STK32C: variants seen among roughly 807,000 people sequenced by gnomAD.
STK32C encodes serine/threonine kinase 32C.
Under a neutral mutation model 56.5 loss-of-function variants are expected in STK32C, and 31 were observed. The ratio of observed to expected loss-of-function variants is 0.55; its 90% CI spans 0.41 to 0.74. The LOEUF is 0.74. Among genes scored for constraint, STK32C ranks in the 30% least tolerant of loss-of-function variants. STK32C has a pLI of 0.00. For missense variants in STK32C, 544 were observed against 676.9 expected (o/e 0.80, Z 2.18); for synonymous variants, 309 against 289.4 (o/e 1.07, Z -0.69).
In STK32C at chr10:132,225,236, T is replaced by C; in HGVS notation, c.873A>G (p.Gly291=). 6.2e-7 allele frequency: 1 copy of C among 1,607,976 alleles called. No individual in the cohort carries two copies. The highest frequency in any genetic ancestry group is 8.5e-7 in the Non-Finnish European group (1 of 1,177,172). The part of the protein sequence containing the change: ...VGVMAYELLR[G]WRPYDIHSSN... ...AGGGGCTGCAGGGGGTCCATACCCA[T>C]CCTCGCAGCAGCTCATAGGCCATCA... Residue 291 remains glycine, a synonymous_variant, in exon 7 of 12, where the codon GGA becomes GGG. Transcript: ENST00000298630.
At position 132,307,890 on chromosome 10, in the gene STK32C, C is replaced by A; in HGVS notation, c.-57G>T. ...CTCGGGGCATGGCCGGCCGGCAGGGCCGGGAGCGGCAGTGGTAGCGGGAGC... is the reference window on the plus strand; with the variant it reads ...CTCGGGGCATGGCCGGCCGGCAGGGACGGGAGCGGCAGTGGTAGCGGGAGC... On this transcript the variant is annotated 5_prime_UTR_variant, in exon 1 of 12. Transcript: ENST00000298630. The surrounding 1 kb of genome is among the most constrained non-coding windows in gnomAD (Gnocchi z 4.4). 8.8e-7 allele frequency: 1 copy of A among 1,134,198 alleles called. No homozygotes were observed. The allele number at this position is 1,134,198 out of a possible 1,614,324, so 70.3% of individuals were successfully genotyped here. A position where few individuals can be genotyped will look rare whatever the true frequency, so the allele number is the denominator to read the frequency against.
downstream of STK32C, among the ~76,000 whole-genome samples, chr10:132,322,649 T>C (rs2066431694): frequency 6.6e-6 from 1 of 152,104 alleles, no homozygotes; most frequent in Non-Finnish European, 1.5e-5. Flanking sequence ...GGAAGTAAAA[T>C]GTTGCCAGCA....
chr10:132,331,839 G>A (rs763076808), upstream of STK32C: 5 of 1,497,304 alleles, frequency 3.3e-6, no homozygotes, highest in East Asian at 2.3e-5. Flanking sequence ...CGCGGGCGCG[G>A]AAAAACGGAT....
intron 1 of STK32C, among the ~76,000 whole-genome samples, chr10:132,268,039 ATGCC>A (rs2064640344): frequency 8.4e-6 from 1 of 118,980 alleles, no homozygotes; most frequent in African/African-American, 3.3e-5. Flanking sequence ...GTTCGGCTCT[ATGCC>A]TGTCTGTGTG....
chr10:132,269,492 C>G (rs548602203), intron 1 of STK32C, among the ~76,000 whole-genome samples: 1 of 152,338 alleles, frequency 6.6e-6, no homozygotes, highest in Admixed American at 6.5e-5. Context: ...TGTGTGGCAG[C>G]AAGCTGCAGC....
intron 1 of STK32C, among the ~76,000 whole-genome samples, chr10:132,281,928 G>C (rs1564774343): frequency 6.6e-6 from 1 of 152,162 alleles, no homozygotes; most frequent in Non-Finnish European, 1.5e-5. Context: ...CCTCAGACGG[G>C]AGCCTGTTCA....
intron 1 of STK32C, among the ~76,000 whole-genome samples, chr10:132,254,942 C>A (rs920911503): frequency 6.6e-6 from 1 of 152,066 alleles, no homozygotes; most frequent in Non-Finnish European, 1.5e-5. Context: ...CAGCTGCAGG[C>A]GTGTCCCAGG....
intron 1 of STK32C, among the ~76,000 whole-genome samples, chr10:132,267,487 G>C (rs2064587292): frequency 6.6e-6 from 1 of 151,576 alleles, no homozygotes; most frequent in African/African-American, 2.4e-5. Flanking sequence ...ATGCCTGTCT[G>C]TGTGCATGCA....
chr10:132,275,662 C>T (rs978811729), intron 1 of STK32C, among the ~76,000 whole-genome samples: 1 of 152,234 alleles, frequency 6.6e-6, no homozygotes, highest in African/African-American at 2.4e-5. Context: ...CACCCACCGT[C>T]ACTGACGCAT....
downstream of STK32C, among the ~76,000 whole-genome samples, chr10:132,322,317 G>A (rs2066425738): frequency 6.6e-6 from 1 of 152,090 alleles, no homozygotes; most frequent in African/African-American, 2.4e-5. Context: ...TCGGATTATA[G>A]TCTGGATACT....
intron 10 of STK32C, among the ~76,000 whole-genome samples, chr10:132,210,113 A>G (rs886907333): frequency 6.6e-6 from 1 of 152,174 alleles, no homozygotes; most frequent in African/African-American, 2.4e-5. Context: ...TTGGCCAGTG[A>G]CGGAAGCATC....
At chr10:132,242,860 C>T (rs911823401) in intron 2 of STK32C, among the ~76,000 whole-genome samples, 2 of 152,260 alleles carry the variant, frequency 1.3e-5, no homozygotes, top group African/African-American at 4.8e-5. Flanking sequence ...GGCGGCTCCT[C>T]CATGGCACGT....
At chr10:132,306,941 T>G (rs2066089755) in intron 1 of STK32C, 1 of 152,260 alleles carries the variant, frequency 6.6e-6, no homozygotes, top group Non-Finnish European at 1.5e-5. Context: ...CTGCTTTCTA[T>G]GGCGCCCACG....
At chr10:132,275,909 G>C (rs993172582) in intron 1 of STK32C, among the ~76,000 whole-genome samples, 1 of 152,086 alleles carries the variant, frequency 6.6e-6, no homozygotes, top group Non-Finnish European at 1.5e-5. Flanking sequence ...GACTGTACAG[G>C]AAAACCCCCT....
chr10:132,227,101 G>C, intron 3 of STK32C, 133 bp from the exon 4 acceptor site: 4 of 1,076,960 alleles, frequency 3.7e-6, no homozygotes. Context: ...CCCAGGAGGA[G>C]GGGCCTGCCC....
chr10:132,282,193 G>C (rs2065233355), intron 1 of STK32C, among the ~76,000 whole-genome samples: 1 of 152,122 alleles, frequency 6.6e-6, no homozygotes, highest in Admixed American at 6.5e-5. Context: ...GCAGGACCAA[G>C]GTGCGCCAAC....
intron 2 of STK32C, among the ~76,000 whole-genome samples, chr10:132,239,777 G>A (rs182088060): frequency 1.9e-3 from 284 of 152,360 alleles, no homozygotes; most frequent in African/African-American, 6.5e-3. Context: ...GACACTAGGG[G>A]GCTGTCATGT....
intron 1 of STK32C, among the ~76,000 whole-genome samples, chr10:132,260,128 G>C (rs988643492): frequency 6.6e-6 from 1 of 152,058 alleles, no homozygotes; most frequent in African/African-American, 2.4e-5. Flanking sequence ...CCTGGCTCAG[G>C]GACCCTGGAA....
At chr10:132,216,372 G>A (rs1222877860) in intron 10 of STK32C, among the ~76,000 whole-genome samples, 1 of 151,080 alleles carries the variant, frequency 6.6e-6, no homozygotes. Context: ...GCTGAGACAG[G>A]AGAATCACTT....
Sources: gnomAD v4.1 joint callset for allele counts (sites outside exome capture counted in the v4.1 genomes callset) on GRCh38, gnomAD v4.1.1 for gene constraint, Gnocchi (gnomAD v3.1) non-coding constraint, MANE v1.5 for transcripts, NCBI Gene and HGNC (gene_info 2026-07-23, HGNC 2026-07-21) for gene names.